Variants in CEP85L observed in about 807,000 individuals in gnomAD.
The protein encoded by CEP85L is centrosomal protein 85L, also known as centrosomal protein of 85 kDa-like.
CEP85L carries 60 observed loss-of-function variants against 100.3 expected under a neutral mutation model. The observed-to-expected ratio is 0.60, with a 90% CI of 0.49 to 0.74. The LOEUF is 0.74. Among genes scored for constraint, CEP85L ranks in the 30% least tolerant of loss-of-function variants. CEP85L has a pLI of 0.00. For missense variants in CEP85L, 973 were observed against 936.2 expected (o/e 1.04, Z -0.51); for synonymous variants, 319 against 322.7 (o/e 0.99, Z 0.12).
chr6:118,531,973 C>A (rs1278883394), intron 3 of CEP85L, among the ~76,000 whole-genome samples: 2 of 152,100 alleles, frequency 1.3e-5, no homozygotes, highest in African/African-American at 4.8e-5. Flanking sequence ...AGCAGAATTA[C>A]CATTTGACAT....
chr6:118,548,803 ACTGAG>A (rs1292439265), intron 3 of CEP85L, among the ~76,000 whole-genome samples: 1 of 152,098 alleles, frequency 6.6e-6, no homozygotes, highest in Non-Finnish European at 1.5e-5. Flanking sequence ...ACAGTGCAGA[ACTGAG>A]CTATTTACAT....
At chr6:118,467,127 G>C (rs930519160) in intron 12 of CEP85L, among the ~76,000 whole-genome samples, 1 of 152,152 alleles carries the variant, frequency 6.6e-6, no homozygotes, top group Admixed American at 6.6e-5. Flanking sequence ...TGAATGTGTA[G>C]AGTCTGTGAT....
chr6:118,465,592 A>C (rs1402002699), intron 12 of CEP85L, 24 bp from the exon 13 acceptor site: 2 of 1,599,274 alleles, frequency 1.3e-6, no homozygotes, highest in Admixed American at 3.4e-5. Context: ...ACATAGAGAG[A>C]ATATCTCACA....
intron 6 of CEP85L, among the ~76,000 whole-genome samples, chr6:118,488,901 T>A (rs1211513406): frequency 6.6e-6 from 1 of 152,166 alleles, no homozygotes; most frequent in Admixed American, 6.5e-5. Flanking sequence ...ATGATAAACT[T>A]GCACTGCTTG....
chr6:118,507,912 CTT>C (rs1224368010), intron 5 of CEP85L, among the ~76,000 whole-genome samples: 1 of 152,174 alleles, frequency 6.6e-6, no homozygotes, highest in East Asian at 1.9e-4. Flanking sequence ...GCAACTATCT[CTT>C]GTCTGTGTTC....
chr6:118,552,944 G>T (rs943235648), intron 3 of CEP85L, among the ~76,000 whole-genome samples: 1 of 151,808 alleles, frequency 6.6e-6, no homozygotes, highest in Admixed American at 6.6e-5. Flanking sequence ...AAGACAATTT[G>T]ATTTTAAAAT....
chr6:118,542,115 C>T (rs563247811), intron 3 of CEP85L, among the ~76,000 whole-genome samples: 2 of 151,992 alleles, frequency 1.3e-5, no homozygotes, highest in African/African-American at 2.4e-5. Flanking sequence ...AATTATATCC[C>T]CTGATATTCA....
intron 2 of CEP85L, among the ~76,000 whole-genome samples, chr6:118,583,133 C>CA (rs1304754068): frequency 6.6e-6 from 1 of 152,180 alleles, no homozygotes; most frequent in African/African-American, 2.4e-5. Context: ...GATCTGCCCC[C>CA]AGAGGCAGAG....
Position 118,483,764 on chromosome 6 carries a change from A to T in CEP85L, c.1532T>A (p.Leu511Ter). 1 of 1,613,876 alleles carries T rather than the reference A, an allele frequency of 6.2e-7. No homozygotes were observed. Among genetic ancestry groups the T allele is most frequent in the Non-Finnish European group, 8.5e-7 (1 of 1,179,848 alleles). ...TGGAAGATCAGCCAGATACTTTTCC[A>T]AGGTCTCAATTCTTCTCTGCTTTTC... is the stretch of plus-strand genomic sequence containing the variant. ...NKEKQRRIET[L>*]EKYLADLPTL... is the part of the protein sequence containing the mutation. The change falls in exon 7 of 13, where the codon TTG (leucine) becomes TAG (stop). Residue 511 changes from leucine (L) to a stop codon, truncating the protein, a stop_gained. Coordinates refer to ENST00000368491, the MANE Select transcript of CEP85L (RefSeq NM_001042475.3). LOFTEE classifies it high-confidence loss of function.
chr6:118,510,444 C>T (rs948867957), intron 5 of CEP85L, among the ~76,000 whole-genome samples: 14 of 151,842 alleles, frequency 9.2e-5, no homozygotes, highest in African/African-American at 3.4e-4. Context: ...TGTGAATGGG[C>T]CCTTAAATTT....
At chr6:118,552,028 A>C (rs2114933239) in intron 3 of CEP85L, among the ~76,000 whole-genome samples, 1 of 152,070 alleles carries the variant, frequency 6.6e-6, no homozygotes, top group East Asian at 1.9e-4. Flanking sequence ...AAAATTCCAA[A>C]CAATCCAAAT....
At chr6:118,472,762 A>G (rs531085166) in intron 10 of CEP85L, among the ~76,000 whole-genome samples, 13 of 152,314 alleles carry the variant, frequency 8.5e-5, no homozygotes, top group Admixed American at 3.9e-4. Flanking sequence ...CTAGACATGT[A>G]GGGGATTAAT....
intron 2 of CEP85L, among the ~76,000 whole-genome samples, chr6:118,599,725 T>C (rs995331129): frequency 6.6e-6 from 1 of 151,474 alleles, no homozygotes; most frequent in East Asian, 1.9e-4. Context: ...TATTATTATG[T>C]ACCCCTGATA....
chr6:118,644,911 CCTA>C (rs1775084852), intron 1 of CEP85L, among the ~76,000 whole-genome samples: 1 of 152,202 alleles, frequency 6.6e-6, no homozygotes, highest in Non-Finnish European at 1.5e-5. Flanking sequence ...ATTGTAAACA[CCTA>C]GGACAAGGAA....
chr6:118,650,873 C>G (rs903681669), intron 1 of CEP85L, among the ~76,000 whole-genome samples: 7 of 152,204 alleles, frequency 4.6e-5, no homozygotes, highest in African/African-American at 1.7e-4. Context: ...AGGTCACACA[C>G]CCCACGAGTA....
intron 2 of CEP85L, among the ~76,000 whole-genome samples, chr6:118,608,805 C>G (rs1157420487): frequency 6.6e-6 from 1 of 152,148 alleles, no homozygotes; most frequent in Non-Finnish European, 1.5e-5. Context: ...AATAGTGGAA[C>G]AGAAATTCTA....
At chr6:118,661,059 G>C (rs1241895707) in intron 1 of CEP85L, among the ~76,000 whole-genome samples, 1 of 151,822 alleles carries the variant, frequency 6.6e-6, no homozygotes, top group African/African-American at 2.4e-5. Flanking sequence ...GTAATTTTTT[G>C]TATTTTTAGT....
chr6:118,511,282 T>C lies in CEP85L; in HGVS notation c.1257+16A>G. ...CTTTACTACTAAAACAGCTACAAAATCCTCTGTAATCTTACCTGCAAACTA... is the reference window on the plus strand; with the variant it reads ...CTTTACTACTAAAACAGCTACAAAACCCTCTGTAATCTTACCTGCAAACTA... On this transcript the variant is annotated intron_variant, in intron 5 of 12. Coordinates refer to ENST00000368491, the MANE Select transcript of CEP85L (RefSeq NM_001042475.3). 1 of 1,505,312 alleles carries C rather than the reference T, an allele frequency of 6.6e-7. No homozygotes were observed. The highest frequency in any genetic ancestry group is 9.2e-7 in the Non-Finnish European group (1 of 1,082,508). The allele number at this position is 1,505,312 out of a possible 1,614,324, so 93.2% of individuals were successfully genotyped here.
chr6:118,643,076 T>TA (rs142685918), intron 1 of CEP85L, among the ~76,000 whole-genome samples: 4,406 of 152,308 alleles, frequency 0.029, 105 homozygotes, highest in African/African-American at 0.056. Flanking sequence ...GACGGGCTTA[T>TA]CTTTGTCCTA....
Sources: allele counts gnomAD v4.1 joint callset (sites outside exome capture counted in the v4.1 genomes callset), GRCh38; gene constraint gnomAD v4.1.1; transcripts MANE v1.5; gene names NCBI Gene and HGNC (gene_info 2026-07-23, HGNC 2026-07-21).